The following PIK3C3 variants were observed in gnomAD, a reference collection of about 807,000 sequenced individuals.
PIK3C3 encodes PI3-kinase type 3.
In PIK3C3, 95 loss-of-function variants were observed where a neutral mutation model predicts 126.1. The observed-to-expected ratio is 0.75, with a 90% CI of 0.64 to 0.89. The LOEUF (loss-of-function observed/expected upper bound fraction) is 0.89, where lower values mean the gene tolerates loss of function less well. PIK3C3 is among the 40% of genes least tolerant of loss of function. PIK3C3 has a pLI of 0.00. For missense variants in PIK3C3, 829 were observed against 1,063.2 expected (o/e 0.78, Z 3.06); for synonymous variants, 374 against 360.0 (o/e 1.04, Z -0.44).
At chr18:42,051,031 A>T (rs1006414629) in intron 21 of PIK3C3, 1 of 152,220 alleles carries the variant, frequency 6.6e-6, no homozygotes, top group African/African-American at 2.4e-5. Flanking sequence ...AGCACTTATC[A>T]CTAGCTGAAG....
intron 9 of PIK3C3, among the ~76,000 whole-genome samples, chr18:41,997,151 C>G (rs1049216716): frequency 6.6e-6 from 1 of 152,104 alleles, no homozygotes; most frequent in African/African-American, 2.4e-5. Flanking sequence ...TTCTCTTCTT[C>G]TTACCTCTTT....
chr18:41,972,742 G>A (rs892182987), intron 4 of PIK3C3, among the ~76,000 whole-genome samples: 1 of 152,102 alleles, frequency 6.6e-6, no homozygotes, highest in Non-Finnish European at 1.5e-5. Context: ...CTTTGTTAAG[G>A]AATTGCTCCC....
chr18:42,071,520 C>G (rs533565000), intron 24 of PIK3C3, among the ~76,000 whole-genome samples: 1 of 152,052 alleles, frequency 6.6e-6, no homozygotes, highest in Non-Finnish European at 1.5e-5. Context: ...AGGAGTTTGA[C>G]ACCAGCCTGA....
chr18:42,083,596 T>G lies in PIK3C3; in HGVS notation c.*2459T>G, dbSNP rs1414531891. 1 of 152,194 alleles carries G rather than the reference T, an allele frequency of 6.6e-6. No homozygotes were observed. Among genetic ancestry groups the G allele is most frequent in the African/African-American group, 2.4e-5 (1 of 41,442 alleles). 9.4% of individuals were successfully genotyped at this position (152,194 alleles called of 1,614,324 possible). On this transcript the variant is annotated 3_prime_UTR_variant, in exon 25 of 25. Coordinates refer to ENST00000262039, the MANE Select transcript of PIK3C3 (RefSeq NM_002647.4). ...ATGTTCCCCAGCTCATTTGTATTAT[T>G]GAGTTTTCAGCTGGGTATATATTAT...
At chr18:42,030,403 A>C (rs994930261) in intron 15 of PIK3C3, among the ~76,000 whole-genome samples, 2 of 152,182 alleles carry the variant, frequency 1.3e-5, no homozygotes, top group African/African-American at 4.8e-5. Context: ...TCTTTTCCTA[A>C]TTCCATTAGA....
chr18:42,067,304 T>C (rs1985582254), intron 23 of PIK3C3, 84 bp from the exon 24 acceptor site: 1 of 1,217,874 alleles, frequency 8.2e-7, no homozygotes, highest in Non-Finnish European at 1.2e-6. Context: ...TGTTACCTTA[T>C]AATGTCTGCA....
rs1050627176 is a variant in PIK3C3, at chr18:42,084,515, G to T, written c.*3378G>T. ...ACCACCTGATCCAGGATGGGATCCA[G>T]GAACAGAAAAAGAACATTAGGTAAA... On this transcript the variant is annotated 3_prime_UTR_variant, in exon 25 of 25. Transcript: ENST00000262039. 7.0e-6 allele frequency: 1 copy of T among 143,276 alleles called. No individual in the cohort carries two copies. The highest frequency in any genetic ancestry group is 1.5e-5 in the Non-Finnish European group (1 of 66,802). 8.9% of individuals were successfully genotyped at this position (143,276 alleles called of 1,614,324 possible). A position where few individuals can be genotyped will look rare whatever the true frequency, so the allele number is the denominator to read the frequency against.
intron 24 of PIK3C3, 137 bp from the exon 25 acceptor site, chr18:42,080,986 C>G: frequency 1.8e-6 from 1 of 565,548 alleles, no homozygotes; most frequent in Non-Finnish European, 3.1e-6. Flanking sequence ...AATTGCAATC[C>G]TCTTGGTAGC....
At chr18:41,973,925 G>T (rs910815540) in intron 4 of PIK3C3, among the ~76,000 whole-genome samples, 1 of 152,092 alleles carries the variant, frequency 6.6e-6, no homozygotes, top group Non-Finnish European at 1.5e-5. Flanking sequence ...TCCATCCAGT[G>T]AATTTACTAT....
chr18:42,000,694 C>A (rs969004997), intron 9 of PIK3C3, among the ~76,000 whole-genome samples: 5 of 152,116 alleles, frequency 3.3e-5, no homozygotes, highest in Admixed American at 3.3e-4. Context: ...GCCTCACAAT[C>A]ATGATGGAAG....
intron 3 of PIK3C3, among the ~76,000 whole-genome samples, chr18:41,967,387 G>T (rs910759765): frequency 2.0e-5 from 3 of 152,156 alleles, no homozygotes; most frequent in Non-Finnish European, 4.4e-5. Context: ...GGGAAACGCT[G>T]CCTTTAACCA....
chr18:42,060,572 A>G (rs1281386449), intron 22 of PIK3C3, among the ~76,000 whole-genome samples: 1 of 152,112 alleles, frequency 6.6e-6, no homozygotes, highest in Non-Finnish European at 1.5e-5. Flanking sequence ...GGAGTTTGAG[A>G]CCAGCCTGGC....
At position 42,037,715 on chromosome 18, in the gene PIK3C3, G is replaced by A; in HGVS notation, c.1863G>A (p.Leu621=). The A allele has an allele frequency of 6.2e-7, 1 of 1,611,994 alleles. No individual in the cohort carries two copies. The highest frequency in any genetic ancestry group is 8.5e-7 in the Non-Finnish European group (1 of 1,178,558). ...AGAGTGCCCTTATGCCTGCACAGTT[G>A]TTTTTTAAGACGGAAGATGGAGGCA... is the stretch of plus-strand genomic sequence containing the variant. ...LFKSALMPAQ[L]FFKTEDGGKY... is the part of the protein sequence containing the mutation. The change falls in exon 17 of 25, where the codon TTG becomes TTA. Residue 621 remains leucine (L), a synonymous_variant. Coordinates refer to ENST00000262039, the MANE Select transcript of PIK3C3 (RefSeq NM_002647.4).
intron 21 of PIK3C3, among the ~76,000 whole-genome samples, chr18:42,055,331 T>G (rs1985016708): frequency 6.6e-6 from 1 of 152,204 alleles, no homozygotes; most frequent in African/African-American, 2.4e-5. Context: ...TGCATCATTG[T>G]GCTTTTAACT....
At chr18:42,037,964 A>G (rs1326381056) in intron 17 of PIK3C3, 144 bp downstream of exon 17, 9 of 689,632 alleles carry the variant, frequency 1.3e-5, no homozygotes, top group Admixed American at 1.0e-4. Flanking sequence ...TTGACCTTGA[A>G]AAAATTTAGT....
chr18:42,020,744 C>G (rs766771706), intron 13 of PIK3C3, 39 bp downstream of exon 13: 1 of 1,125,934 alleles, frequency 8.9e-7, no homozygotes. Context: ...TCTTATTACC[C>G]TTAAGAATTA....
intron 21 of PIK3C3, among the ~76,000 whole-genome samples, chr18:42,057,420 C>T (rs1252386020): frequency 6.6e-6 from 1 of 151,828 alleles, no homozygotes; most frequent in East Asian, 1.9e-4. Context: ...AAAATTTTTC[C>T]TTTCTAAAAT....
At position 42,083,048 on chromosome 18, in the gene PIK3C3, G is replaced by A. The variant is rs1188272080; in HGVS notation, c.*1911G>A. On this transcript the variant is annotated 3_prime_UTR_variant, in exon 25 of 25. Coordinates refer to ENST00000262039, the MANE Select transcript of PIK3C3 (RefSeq NM_002647.4). ...AACCTTTCTAGGAAGGTTGATGCGT[G>A]TTGGGTGAGGAAGGAGCATCTCTCA... is the stretch of plus-strand genomic sequence containing the variant. 2 of 152,192 alleles carry A rather than the reference G, an allele frequency of 1.3e-5. No homozygotes were observed. The highest frequency in any genetic ancestry group is 4.8e-5 in the African/African-American group (2 of 41,444). 9.4% of individuals were successfully genotyped at this position (152,192 alleles called of 1,614,324 possible).
At chr18:42,062,776 C>A (rs146737974) in intron 22 of PIK3C3, among the ~76,000 whole-genome samples, 1 of 152,168 alleles carries the variant, frequency 6.6e-6, no homozygotes, top group East Asian at 1.9e-4. Flanking sequence ...CTCCACATGT[C>A]TAAAACGAAA....
Sources: allele counts gnomAD v4.1 joint callset (sites outside exome capture counted in the v4.1 genomes callset), GRCh38; gene constraint gnomAD v4.1.1; transcripts MANE v1.5; gene names NCBI Gene and HGNC (gene_info 2026-07-23, HGNC 2026-07-21).